RABGEF1: variants seen among roughly 807,000 people sequenced by gnomAD.
RABGEF1 encodes the protein rab5 GDP/GTP exchange factor.
In RABGEF1, 26 loss-of-function variants were observed where a neutral mutation model predicts 57.3. The ratio of observed to expected loss-of-function variants is 0.45; its 90% CI spans 0.33 to 0.63. The LOEUF (loss-of-function observed/expected upper bound fraction) is 0.63, where lower values mean the gene tolerates loss of function less well. Among genes scored for constraint, RABGEF1 ranks in the 20% least tolerant of loss-of-function variants. RABGEF1 has a pLI of 0.02. For missense variants in RABGEF1, 464 were observed against 607.6 expected, an observed-to-expected ratio of 0.76 and a Z score of 2.48; for synonymous variants, 185 against 210.7, an observed-to-expected ratio of 0.88 and a Z score of 1.06.
intron 5 of RABGEF1, 66 bp downstream of exon 5, chr7:66,795,658 ATTTC>A: frequency 1.3e-5 from 18 of 1,411,264 alleles, no homozygotes; most frequent in Non-Finnish European, 1.8e-5. Flanking sequence ...TCTCTTAGCA[ATTTC>A]TTTCTTTCTC....
At chr7:66,799,262 G>T in intron 6 of RABGEF1, 61 bp from the exon 7 acceptor site, 1 of 1,400,936 alleles carries the variant, frequency 7.1e-7, no homozygotes, top group South Asian at 1.2e-5. Context: ...TGAAGGAGGT[G>T]ACAAGACAAA....
intron 2 of RABGEF1, among the ~76,000 whole-genome samples, chr7:66,725,895 A>G (rs1796531362): frequency 6.6e-6 from 1 of 152,224 alleles, no homozygotes; most frequent in Non-Finnish European, 1.5e-5. Context: ...TGAAGACCCA[A>G]TCAGAGGGGG....
At chr7:66,739,025 A>T (rs1465358826), upstream of RABGEF1, among the ~76,000 whole-genome samples, 1 of 152,048 alleles carries the variant, frequency 6.6e-6, no homozygotes, top group Non-Finnish European at 1.5e-5. Flanking sequence ...ATCTCAGCTC[A>T]CTGCAACCTC....
At chr7:66,721,173 C>A (rs1796011964) in intron 2 of RABGEF1, among the ~76,000 whole-genome samples, 1 of 152,188 alleles carries the variant, frequency 6.6e-6, no homozygotes, top group South Asian at 2.1e-4. Flanking sequence ...CCGGCCTCGG[C>A]CTCCCAAAGT....
intron 2 of RABGEF1, among the ~76,000 whole-genome samples, chr7:66,717,682 C>G (rs1361523319): frequency 1.3e-5 from 2 of 152,146 alleles, no homozygotes; most frequent in Non-Finnish European, 2.9e-5. Context: ...ATCTCAGCCT[C>G]CCAAGTAGCT....
chr7:66,747,551 G>T (rs1370317536), intron 1 of RABGEF1, among the ~76,000 whole-genome samples: 1 of 152,140 alleles, frequency 6.6e-6, no homozygotes, highest in African/African-American at 2.4e-5. Flanking sequence ...GCTTTTGGGG[G>T]ATTTTCACAT....
At chr7:66,751,658 A>C (rs1408425287) in intron 1 of RABGEF1, among the ~76,000 whole-genome samples, 1 of 152,178 alleles carries the variant, frequency 6.6e-6, no homozygotes, top group Non-Finnish European at 1.5e-5. Flanking sequence ...TACCCACCTA[A>C]GACTTTCAGC....
At chr7:66,673,351 T>C in the RABGEF1 span, among the ~76,000 whole-genome samples, 69 of 152,022 alleles carry the variant, frequency 4.5e-4, no homozygotes, top group East Asian at 1.2e-3. Flanking sequence ...CCATTGTCAT[T>C]AGCTTGCTGC....
chr7:66,790,490 C>T (rs1412212900), intron 4 of RABGEF1, among the ~76,000 whole-genome samples: 1 of 152,154 alleles, frequency 6.6e-6, no homozygotes, highest in Non-Finnish European at 1.5e-5. Context: ...GTTCCACATG[C>T]TGGTTTAGGG....
At position 66,745,272 on chromosome 7, in the gene RABGEF1, C is replaced by A. The variant is rs537276018; in HGVS notation, c.-18+4480C>A. Among the ~76,000 whole-genome samples, 42 of 152,104 alleles carry A rather than the reference C, an allele frequency of 2.8e-4. 1 individual carries two copies. The South Asian group carries it at 5.8e-3, about 21-fold the overall frequency. On this transcript the variant is annotated intron_variant, in intron 1 of 8. Transcript: ENST00000284957. The stretch of plus-strand genomic sequence containing the variant: ...TAAAATTCTGTTTACTTATGTGAGT[C>A]TTTGGCTAGAGACATAGAATTTCAG...
intron 2 of RABGEF1, among the ~76,000 whole-genome samples, chr7:66,735,002 TAAGG>T (rs1797783352): frequency 6.6e-6 from 1 of 152,218 alleles, no homozygotes; most frequent in Admixed American, 6.5e-5. Flanking sequence ...TCAGGAACGT[TAAGG>T]AAGTTAAGGA....
chr7:66,800,886 C>T (rs1787136341), intron 7 of RABGEF1, among the ~76,000 whole-genome samples: 3 of 152,114 alleles, frequency 2.0e-5, no homozygotes, highest in South Asian at 2.1e-4. Flanking sequence ...AGGTGGGTGG[C>T]CCAAGGGATC....
chr7:66,696,256 G>C (rs1482390178), intron 1 of RABGEF1, among the ~76,000 whole-genome samples: 1 of 151,724 alleles, frequency 6.6e-6, no homozygotes, highest in African/African-American at 2.4e-5. Flanking sequence ...GTAGAGACTG[G>C]GTTTTACCAT....
chr7:66,800,361 T>G (rs1386017560), intron 7 of RABGEF1, among the ~76,000 whole-genome samples: 8 of 152,324 alleles, frequency 5.3e-5, no homozygotes, highest in Admixed American at 2.6e-4. Flanking sequence ...CAAGAGGGTC[T>G]GCTCCAGGCA....
At chr7:66,706,666 G>A (rs898949261) in intron 1 of RABGEF1, among the ~76,000 whole-genome samples, 6 of 151,334 alleles carry the variant, frequency 4.0e-5, no homozygotes, top group South Asian at 2.1e-4. Context: ...CGCCCGCCTC[G>A]GCCTCCCAAA....
chr7:66,775,528 G>A (rs1201921850), intron 3 of RABGEF1, 135 bp downstream of exon 3: 4 of 1,018,378 alleles, frequency 3.9e-6, no homozygotes, highest in Non-Finnish European at 5.7e-6. Context: ...ACTGAAATTG[G>A]GCTTGAGGGT....
At chr7:66,806,018 T>C (rs1411870542) in intron 8 of RABGEF1, among the ~76,000 whole-genome samples, 1 of 152,012 alleles carries the variant, frequency 6.6e-6, no homozygotes, top group Non-Finnish European at 1.5e-5. Flanking sequence ...GAGTTGGAAC[T>C]GCAGGCATGA....
intron 1 of RABGEF1, among the ~76,000 whole-genome samples, chr7:66,701,232 C>T (rs1048483932): frequency 6.6e-6 from 1 of 152,204 alleles, no homozygotes; most frequent in Non-Finnish European, 1.5e-5. Context: ...GGCACAGTAG[C>T]TCAGGCCTGT....
chr7:66,718,500 A>G (rs999312368), intron 2 of RABGEF1, among the ~76,000 whole-genome samples: 5 of 152,132 alleles, frequency 3.3e-5, no homozygotes, highest in African/African-American at 1.2e-4. Flanking sequence ...GATAATTTTG[A>G]ATTGTGTTTT....
Sources: allele counts gnomAD v4.1 joint callset (sites outside exome capture counted in the v4.1 genomes callset), GRCh38; gene constraint gnomAD v4.1.1; transcripts MANE v1.5; gene names NCBI Gene and HGNC (gene_info 2026-07-23, HGNC 2026-07-21).